Variants in NTRK3 observed in about 807,000 individuals in gnomAD.
NTRK3 encodes neurotrophic receptor tyrosine kinase 3.
Under a neutral mutation model 91.7 loss-of-function variants are expected in NTRK3, and 24 were observed. That is an observed-to-expected ratio of 0.26 (90% CI 0.19 to 0.37). The LOEUF (loss-of-function observed/expected upper bound fraction) is 0.37. Ranked by LOEUF, NTRK3 falls within the 10% of genes least tolerant of loss-of-function variation. The pLI is 1.00. For missense variants in NTRK3, 880 were observed against 1,068.9 expected (o/e 0.82, Z 2.46); for synonymous variants, 483 against 404.0 (o/e 1.20, Z -2.34).
intron 17 of NTRK3, among the ~76,000 whole-genome samples, chr15:87,898,808 A>G (rs1252715320): frequency 6.9e-6 from 1 of 145,658 alleles, no homozygotes; most frequent in East Asian, 2.0e-4. Context: ...CAACACAGTG[A>G]AACTCTGTCT....
intron 17 of NTRK3, among the ~76,000 whole-genome samples, chr15:87,895,637 T>C (rs954476906): frequency 6.6e-6 from 1 of 152,152 alleles, no homozygotes; most frequent in Non-Finnish European, 1.5e-5. Context: ...TTCCTCTCTT[T>C]CCAGATCTGG....
chr15:88,013,688 T>C (rs2077037599), intron 14 of NTRK3, among the ~76,000 whole-genome samples: 1 of 152,200 alleles, frequency 6.6e-6, no homozygotes, highest in Non-Finnish European at 1.5e-5. Context: ...TTTCAGATCA[T>C]GTACAAAAAA....
At chr15:88,155,467 G>A (rs562387547) in intron 5 of NTRK3, among the ~76,000 whole-genome samples, 2 of 152,196 alleles carry the variant, frequency 1.3e-5, no homozygotes, top group African/African-American at 4.8e-5. Flanking sequence ...GAATTTCTGG[G>A]TGTAAGGCAA....
chr15:88,190,992 GT>G (rs2047339906), intron 3 of NTRK3, among the ~76,000 whole-genome samples: 1 of 152,196 alleles, frequency 6.6e-6, no homozygotes, highest in African/African-American at 2.4e-5. Context: ...ATTTGCCCTT[GT>G]TTTCATATGA....
intron 17 of NTRK3, among the ~76,000 whole-genome samples, chr15:87,882,182 C>T (rs2065293035): frequency 6.6e-6 from 1 of 152,196 alleles, no homozygotes; most frequent in South Asian, 2.1e-4. Context: ...AGGCGTGAGC[C>T]ACTTTGCCTA....
intron 13 of NTRK3, among the ~76,000 whole-genome samples, chr15:88,090,639 C>G (rs753549960): frequency 6.6e-6 from 1 of 152,256 alleles, no homozygotes; most frequent in Non-Finnish European, 1.5e-5. Context: ...TCATGTCAAA[C>G]AGATAACAAG....
intron 13 of NTRK3, among the ~76,000 whole-genome samples, chr15:88,054,249 C>T (rs1312604517): frequency 6.6e-6 from 1 of 152,174 alleles, no homozygotes; most frequent in Non-Finnish European, 1.5e-5. Context: ...TTAGTAACTA[C>T]CATTTGTTGG....
chr15:88,200,220 G>A (rs890659967), intron 3 of NTRK3, among the ~76,000 whole-genome samples: 28 of 152,190 alleles, frequency 1.8e-4, no homozygotes, highest in Admixed American at 1.3e-4. Context: ...CGGACTGGCC[G>A]CCAACCTAGA....
chr15:87,928,187 G>C (rs1045654891), intron 17 of NTRK3: 2 of 152,094 alleles, frequency 1.3e-5, no homozygotes, highest in Non-Finnish European at 2.9e-5. Flanking sequence ...CAGCATGTTG[G>C]CTAGGCTGAT....
intron 17 of NTRK3, among the ~76,000 whole-genome samples, chr15:87,893,858 G>C (rs1015115115): frequency 3.9e-5 from 6 of 152,146 alleles, no homozygotes; most frequent in African/African-American, 1.4e-4. Context: ...TGGAACCAAT[G>C]GAGGGATTCA....
exon 19 of NTRK3, chr15:87,875,878 C>T (rs183708555): frequency 1.5e-4 from 35 of 232,180 alleles, no homozygotes; most frequent in Admixed American, 3.4e-4. Context: ...AGGGGGCATT[C>T]GTTATAATGA....
At chr15:88,208,590 C>T (rs558549344) in intron 3 of NTRK3, among the ~76,000 whole-genome samples, 36 of 152,252 alleles carry the variant, frequency 2.4e-4, no homozygotes, top group African/African-American at 8.2e-4. Context: ...CCATAGAACA[C>T]ACTTTGAGTA....
chr15:88,065,830 T>C (rs2046603312), intron 13 of NTRK3, among the ~76,000 whole-genome samples: 1 of 152,226 alleles, frequency 6.6e-6, no homozygotes. Flanking sequence ...TGTTAGTACC[T>C]GTTGAGTTTC....
chr15:88,155,019 T>C (rs1244199507), intron 5 of NTRK3, among the ~76,000 whole-genome samples: 1 of 152,190 alleles, frequency 6.6e-6, no homozygotes, highest in Admixed American at 6.5e-5. Context: ...TTTATAGTTC[T>C]ACCAAAACAC....
chr15:87,886,113 C>G (rs1026529850), intron 17 of NTRK3, among the ~76,000 whole-genome samples: 19 of 152,008 alleles, frequency 1.2e-4, no homozygotes, highest in Non-Finnish European at 2.6e-4. Flanking sequence ...ATTAAAACAA[C>G]AGAAACACAT....
At position 88,255,999 on chromosome 15, in the gene NTRK3, T is replaced by C; in HGVS notation, c.155A>G (p.Asn52Ser). Residue 52 changes from asparagine to serine, a missense_variant, in exon 3 of 19, where the codon AAC (asparagine) becomes AGC (serine). Asn to Ser is a conservative substitution (Grantham distance 46). Coordinates refer to ENST00000394480, the Ensembl canonical transcript of NTRK3. The surrounding 1 kb of genome is among the most constrained non-coding windows in gnomAD (Gnocchi z 4.3). ...CTGCCCTTCCAGGAGGGGGAAGAGG[T>C]TCCCATCGTCCGGCCGCCGGCAATT... 6.2e-7 allele frequency: 1 copy of C among 1,612,892 alleles called. No homozygotes were observed. Among genetic ancestry groups the C allele is most frequent in the Non-Finnish European group, 8.5e-7 (1 of 1,179,496 alleles).
chr15:87,868,049 A>G (rs888829725), exon 19 of NTRK3: 3 of 231,416 alleles, frequency 1.3e-5, no homozygotes, highest in Non-Finnish European at 2.6e-5. Context: ...TGACTTTAAG[A>G]AATCACACAT....
At chr15:88,161,359 C>G (rs1304889835) in intron 5 of NTRK3, among the ~76,000 whole-genome samples, 1 of 152,150 alleles carries the variant, frequency 6.6e-6, no homozygotes, top group African/African-American at 2.4e-5. Context: ...AGAGTCTGTG[C>G]CCTTTACTAC....
chr15:87,953,857 A>G (rs951453847), intron 14 of NTRK3, among the ~76,000 whole-genome samples: 1 of 152,148 alleles, frequency 6.6e-6, no homozygotes, highest in African/African-American at 2.4e-5. Flanking sequence ...CCTTGGGAAT[A>G]GACCACTCCA....
Sources: allele counts gnomAD v4.1 joint callset (sites outside exome capture counted in the v4.1 genomes callset), GRCh38; gene constraint gnomAD v4.1.1; non-coding constraint Gnocchi (gnomAD v3.1); transcripts MANE v1.5; gene names NCBI Gene and HGNC (gene_info 2026-07-23, HGNC 2026-07-21).